Variants in TDRD5 observed in about 807,000 individuals in gnomAD.
The protein encoded by TDRD5 is tudor domain containing 5.
Under a neutral mutation model 120.6 loss-of-function variants are expected in TDRD5, and 41 were observed. The observed-to-expected ratio is 0.34, with a 90% CI of 0.26 to 0.44. TDRD5 has a LOEUF of 0.44. Ranked by LOEUF, TDRD5 falls within the 20% of genes least tolerant of loss-of-function variation. The pLI is 1.00. For synonymous variants in TDRD5, 430 were observed against 433.7 expected, an observed-to-expected ratio of 0.99 and a Z score of 0.11; for missense variants, 1,006 against 1,221.2, an observed-to-expected ratio of 0.82 and a Z score of 2.63.
intron 17 of TDRD5, among the ~76,000 whole-genome samples, chr1:179,682,085 A>T (rs987658846): frequency 6.8e-6 from 1 of 146,420 alleles, no homozygotes; most frequent in Non-Finnish European, 1.5e-5. Context: ...ATGTCTTATG[A>T]TTCTATCATA....
At chr1:179,616,823 G>A (rs1027561898) in intron 4 of TDRD5, among the ~76,000 whole-genome samples, 3 of 152,260 alleles carry the variant, frequency 2.0e-5, no homozygotes, top group Non-Finnish European at 4.4e-5. Context: ...GGTTATAGAT[G>A]TTTATGCGTT....
chr1:179,603,727 C>T (rs1026746641), intron 4 of TDRD5, among the ~76,000 whole-genome samples: 13 of 152,148 alleles, frequency 8.5e-5, no homozygotes, highest in African/African-American at 2.7e-4. Context: ...GTATGAAACT[C>T]ACTTGATCAT....
intron 9 of TDRD5, 103 bp downstream of exon 9, chr1:179,635,990 GCTTTT>G: frequency 2.0e-6 from 2 of 985,154 alleles, no homozygotes; most frequent in East Asian, 5.5e-5. Flanking sequence ...ACCCAAGAGA[GCTTTT>G]TTTTATCAGT....
chr1:179,634,496 C>G lies in TDRD5; in HGVS notation c.1166C>G (p.Ser389Cys). ...AAAATAGAAGCCAAAGCTTGTGTCT[C>G]CAGTCCACCTAGAAATTCATTGTCT... ...DKKIEAKACV[S>C]SPPRNSLSTA... Residue 389 changes from serine (S) to cysteine (C), a missense_variant, in exon 8 of 18, where the codon TCC becomes TGC. By Grantham distance (112) the Ser-to-Cys change is moderately radical. Transcript: ENST00000444136. The G allele has an allele frequency of 6.2e-7, 1 of 1,609,620 alleles. No homozygotes were observed. The highest frequency in any genetic ancestry group is 8.5e-7 in the Non-Finnish European group (1 of 1,179,076).
chr1:179,614,323 T>C (rs1033523041), intron 4 of TDRD5, among the ~76,000 whole-genome samples: 2 of 152,210 alleles, frequency 1.3e-5, no homozygotes, highest in African/African-American at 4.8e-5. Context: ...TGTGCCATGA[T>C]TTTAAATGAT....
chr1:179,631,062 CTGTATTGTT>C, intron 7 of TDRD5, 142 bp downstream of exon 7: 1 of 920,988 alleles, frequency 1.1e-6, no homozygotes, highest in Non-Finnish European at 1.6e-6. Flanking sequence ...TAAGGTTAAT[CTGTATTGTT>C]AATAAAAATA....
intron 10 of TDRD5, 42 bp downstream of exon 10, chr1:179,640,093 G>T: frequency 6.3e-7 from 1 of 1,597,534 alleles, no homozygotes; most frequent in Non-Finnish European, 8.6e-7. Flanking sequence ...ATTAAATTTT[G>T]AATCACAGTG....
At chr1:179,614,052 T>C (rs1390527647) in intron 4 of TDRD5, among the ~76,000 whole-genome samples, 1 of 152,240 alleles carries the variant, frequency 6.6e-6, no homozygotes, top group Non-Finnish European at 1.5e-5. Flanking sequence ...TTAGATAATG[T>C]TTCTAAATTA....
chr1:179,621,846 A>G (rs1042241290), intron 6 of TDRD5, among the ~76,000 whole-genome samples: 3 of 152,220 alleles, frequency 2.0e-5, no homozygotes, highest in African/African-American at 7.2e-5. Context: ...CACAACAAAT[A>G]GAGGCACAGA....
intron 16 of TDRD5, among the ~76,000 whole-genome samples, chr1:179,665,014 A>G (rs1679492561): frequency 6.6e-6 from 1 of 152,080 alleles, no homozygotes; most frequent in African/African-American, 2.4e-5. Flanking sequence ...TTTTCTTTCC[A>G]TATCCCTGAT....
chr1:179,635,883 A>G lies in TDRD5; in HGVS notation c.1516A>G (p.Met506Val). Reference protein sequence around the residue: ...SELLEDMMIEMRRCYSNQLVS... With the variant: ...SELLEDMMIEVRRCYSNQLVS... Reference sequence around the variant, plus strand: ...GTTACTCGAAGACATGATGATTGAAATGCGGTAGGAGTCTGTTGTTTTCAA... The same window carrying G: ...GTTACTCGAAGACATGATGATTGAAGTGCGGTAGGAGTCTGTTGTTTTCAA... Residue 506 changes from methionine (M) to valine (V), a missense_variant, in exon 9 of 18, where the codon ATG (methionine) becomes GTG (valine). Coordinates refer to ENST00000444136, the MANE Select transcript of TDRD5 (RefSeq NM_001199085.3). 6.2e-7 allele frequency: 1 copy of G among 1,613,420 alleles called. No homozygotes were observed. The highest frequency in any genetic ancestry group is 8.5e-7 in the Non-Finnish European group (1 of 1,179,770).
chr1:179,645,286 C>T (rs1199900482), intron 11 of TDRD5, among the ~76,000 whole-genome samples: 4 of 151,224 alleles, frequency 2.6e-5, no homozygotes, highest in South Asian at 2.1e-4. Flanking sequence ...GGGGTTTCAC[C>T]GTTTTAGCCG....
intron 17 of TDRD5, among the ~76,000 whole-genome samples, chr1:179,687,077 C>G (rs958791350): frequency 7.9e-5 from 12 of 152,092 alleles, no homozygotes; most frequent in African/African-American, 2.2e-4. Flanking sequence ...CTTCCTGTCT[C>G]CTGCTAGCTT....
At chr1:179,601,407 C>T (rs1291466559) in intron 4 of TDRD5, among the ~76,000 whole-genome samples, 1 of 152,094 alleles carries the variant, frequency 6.6e-6, no homozygotes, top group Non-Finnish European at 1.5e-5. Flanking sequence ...AGTCTTTTAT[C>T]CCTCACCCCC....
rs919554358 is a variant in TDRD5 at position 179,595,159 on chromosome 1, CA to C, written c.641-468del. ...TGTCATGCAACAGAATACACCTCTCCAGTGGTATTCCCCCTTCCTACAAATC... is the reference window on the plus strand; with the variant it reads ...TGTCATGCAACAGAATACACCTCTCCGTGGTATTCCCCCTTCCTACAAATC... On this transcript the variant is annotated intron_variant, in intron 3 of 17. Coordinates refer to ENST00000444136, the MANE Select transcript of TDRD5 (RefSeq NM_001199085.3). Among the ~76,000 whole-genome samples the C allele has an allele frequency of 1.8e-3, 280 of 152,162 alleles. 1 individual carries two copies. Among genetic ancestry groups the C allele is most frequent in the African/African-American group, 6.5e-3 (269 of 41,506 alleles).
intron 4 of TDRD5, among the ~76,000 whole-genome samples, chr1:179,617,888 C>A (rs1054457202): frequency 1.3e-5 from 2 of 152,174 alleles, no homozygotes; most frequent in African/African-American, 4.8e-5. Flanking sequence ...TGTCTTAACT[C>A]AGATTCCTCC....
Position 179,690,862 on chromosome 1 carries a change from T to C in TDRD5, c.3027T>C (p.Ala1009=). The stretch of plus-strand genomic sequence containing the variant: ...ACATTCCTCGAAGTACAGCCACTGC[T>C]GCCTTAGGTGCTGCCGCACGGTTAG... ...KLYIPRSTAT[A]ALGAAARLAT... is the part of the protein sequence containing the mutation. Residue 1009 remains alanine, a synonymous_variant, in exon 18 of 18, where the codon GCT becomes GCC. Transcript: ENST00000444136. 6.2e-7 allele frequency: 1 copy of C among 1,614,252 alleles called. No homozygotes were observed. Among genetic ancestry groups the C allele is most frequent in the Non-Finnish European group, 8.5e-7 (1 of 1,180,034 alleles).
chr1:179,653,178 T>C (rs1217876007), intron 13 of TDRD5, among the ~76,000 whole-genome samples: 1 of 152,230 alleles, frequency 6.6e-6, no homozygotes, highest in Non-Finnish European at 1.5e-5. Context: ...GATACTGGGC[T>C]AAGAATACAG....
At chr1:179,662,066 T>G (rs1161197972) in intron 14 of TDRD5, 38 bp from the exon 15 acceptor site, 4 of 1,504,026 alleles carry the variant, frequency 2.7e-6, no homozygotes, top group South Asian at 2.8e-5. Context: ...ATAGGAACTA[T>G]AAATGATAGT....
Sources: gnomAD v4.1 joint callset for allele counts (sites outside exome capture counted in the v4.1 genomes callset) on GRCh38, gnomAD v4.1.1 for gene constraint, MANE v1.5 for transcripts, NCBI Gene and HGNC (gene_info 2026-07-23, HGNC 2026-07-21) for gene names.